Variants in SLC28A3 observed in about 807,000 individuals in gnomAD.
SLC28A3 encodes the protein solute carrier family 28 member 3.
SLC28A3 carries 68 observed loss-of-function variants against 84.2 expected under a neutral mutation model. The observed-to-expected ratio is 0.81, with a 90% CI of 0.66 to 0.99. SLC28A3 has a LOEUF of 0.99. Ranked by LOEUF, SLC28A3 falls within the 50% of genes least tolerant of loss-of-function variation. The pLI, the probability that SLC28A3 is intolerant of heterozygous loss-of-function variation, is 0.00. For missense variants in SLC28A3, 712 were observed against 841.5 expected, an observed-to-expected ratio of 0.85 and a Z score of 1.90; for synonymous variants, 267 against 303.6, an observed-to-expected ratio of 0.88 and a Z score of 1.25.
the SLC28A3 span, among the ~76,000 whole-genome samples, chr9:84,362,749 G>A: frequency 1.2e-4 from 19 of 152,012 alleles, no homozygotes; most frequent in Non-Finnish European, 1.5e-5. Context: ...GACCGCTTTG[G>A]CAGTCTGGTG....
In SLC28A3 at chr9:84,278,142, G is replaced by C. The variant is rs1824590770; in HGVS notation, c.*76C>G. ...TGGAAGCATCAATCTGTGGACAATA[G>C]CTTCTTTTTTTTTTCTTTCCAAAGC... On this transcript the variant is annotated 3_prime_UTR_variant, in exon 18 of 18. Transcript: ENST00000376238. 2.0e-6 allele frequency: 3 copies of C among 1,525,842 alleles called. No individual in the cohort carries two copies. The highest frequency in any genetic ancestry group is 2.3e-5 in the East Asian group (1 of 44,138). The allele number at this position is 1,525,842 out of a possible 1,614,324, so 94.5% of individuals were successfully genotyped here. A position where few individuals can be genotyped will look rare whatever the true frequency, so the allele number is the denominator to read the frequency against.
At chr9:84,335,379 AAT>A (rs1465863725) in intron 1 of SLC28A3, among the ~76,000 whole-genome samples, 1 of 152,106 alleles carries the variant, frequency 6.6e-6, no homozygotes, top group African/African-American at 2.4e-5. Flanking sequence ...TGTCTCTACA[AAT>A]ATAAAAAATA....
chr9:84,367,748 GGTACT>G, the SLC28A3 span, among the ~76,000 whole-genome samples: 1 of 152,194 alleles, frequency 6.6e-6, no homozygotes, highest in African/African-American at 2.4e-5. Flanking sequence ...TTCAAGGGAA[GGTACT>G]GTGCCCGGAT....
At chr9:84,328,054 G>GT (rs1445474438) in intron 1 of SLC28A3, among the ~76,000 whole-genome samples, 1 of 151,516 alleles carries the variant, frequency 6.6e-6, no homozygotes, top group Admixed American at 6.6e-5. Context: ...TGAGGTGGTG[G>GT]TAACTGTTGG....
Position 84,333,372 on chromosome 9 carries a change from G to A in SLC28A3, c.60+7202C>T, listed in dbSNP as rs77083314. Among the ~76,000 whole-genome samples, 946 of 152,216 alleles carry A rather than the reference G, an allele frequency of 6.2e-3. 18 individuals carry two copies. Among genetic ancestry groups the A allele is most frequent in the African/African-American group, 0.022 (913 of 41,514 alleles). ...TAGCCATCTTATTTAGGAACCAAAA[G>A]GGGGAGATAGGTATGCGTGACCCAG... is the stretch of plus-strand genomic sequence containing the variant. On this transcript the variant is annotated intron_variant, in intron 1 of 17. Coordinates refer to ENST00000376238, the MANE Select transcript of SLC28A3 (RefSeq NM_001199633.2).
chr9:84,352,293 C>A, the SLC28A3 span, among the ~76,000 whole-genome samples: 1 of 152,014 alleles, frequency 6.6e-6, no homozygotes, highest in Non-Finnish European at 1.5e-5. Context: ...AAGTGATTCT[C>A]CTGCCTCAGC....
At chr9:84,293,701 T>C (rs1588574952) in intron 9 of SLC28A3, among the ~76,000 whole-genome samples, 1 of 152,226 alleles carries the variant, frequency 6.6e-6, no homozygotes, top group African/African-American at 2.4e-5. Context: ...TGTGTATGCA[T>C]GCACGCTCAT....
intron 7 of SLC28A3, 78 bp from the exon 8 acceptor site, chr9:84,297,376 C>G (rs1825457007): frequency 1.4e-5 from 16 of 1,176,916 alleles, no homozygotes; most frequent in Non-Finnish European, 1.7e-5. Context: ...ATGCTAGGCT[C>G]TCAGAGGACG....
the SLC28A3 span, among the ~76,000 whole-genome samples, chr9:84,367,177 G>T: frequency 6.6e-6 from 1 of 152,058 alleles, no homozygotes. Context: ...GCCACGGGGA[G>T]TACTCCACAG....
At chr9:84,313,480 A>T (rs770258410) in intron 1 of SLC28A3, 26 bp from the exon 2 acceptor site, 15 of 1,594,462 alleles carry the variant, frequency 9.4e-6, no homozygotes, top group Non-Finnish European at 1.3e-5. Context: ...AGATTGAAAA[A>T]ATAAAAAGTT....
At chr9:84,363,305 C>G in the SLC28A3 span, among the ~76,000 whole-genome samples, 1 of 152,200 alleles carries the variant, frequency 6.6e-6, no homozygotes, top group African/African-American at 2.4e-5. Context: ...GGAGAGGAAC[C>G]AAGAGGGGAG....
rs963962875 is a variant in SLC28A3, at chr9:84,294,337, T to A, written c.862-62A>T. The A allele has an allele frequency of 2.6e-5, 38 of 1,479,260 alleles. No individual in the cohort carries two copies. In the African/African-American group the frequency reaches 5.3e-4, roughly 20 times the overall value. 91.6% of individuals were successfully genotyped at this position (1,479,260 alleles called of 1,614,324 possible). A position where few individuals can be genotyped will look rare whatever the true frequency, so the allele number is the denominator to read the frequency against. On this transcript the variant is annotated intron_variant, in intron 8 of 17. Transcript: ENST00000376238. Reference sequence around the variant, plus strand: ...TCCAGCTGCACCAGCAGGTTTTATATCAGGCCTCCTCTCTGTCTCCTTTTC... The same window carrying A: ...TCCAGCTGCACCAGCAGGTTTTATAACAGGCCTCCTCTCTGTCTCCTTTTC...
intron 14 of SLC28A3, among the ~76,000 whole-genome samples, chr9:84,282,014 T>A (rs552895084): frequency 1.2e-4 from 19 of 152,224 alleles, no homozygotes; most frequent in Admixed American, 1.2e-3. Flanking sequence ...TGATGGTGTG[T>A]GCCTGTAATC....
At chr9:84,296,155 C>A (rs1381072753) in intron 8 of SLC28A3, among the ~76,000 whole-genome samples, 1 of 152,196 alleles carries the variant, frequency 6.6e-6, no homozygotes, top group Non-Finnish European at 1.5e-5. Flanking sequence ...GAATTCGTTT[C>A]ATGATATGAG....
the SLC28A3 span, among the ~76,000 whole-genome samples, chr9:84,368,057 C>T: frequency 6.6e-6 from 1 of 152,232 alleles, no homozygotes; most frequent in South Asian, 2.1e-4. Context: ...TCTTTCTCTT[C>T]CCATGAGGCC....
chr9:84,285,299 G>GGTAT (rs1489696994), intron 14 of SLC28A3, 46 bp downstream of exon 14: 1 of 1,566,152 alleles, frequency 6.4e-7, no homozygotes, highest in Non-Finnish European at 8.7e-7. Flanking sequence ...GACGAATGCA[G>GGTAT]GTATGTGATG....
rs759223859 is a variant in SLC28A3, at chr9:84,279,303, TG to T, written c.1910del (p.Thr637LysfsTer4). ...NAFNSTFPGN[T>X]TKVIACCQSL... The stretch of plus-strand genomic sequence containing the variant: ...TTTGGCAACAAGCTATCACCTTGGT[TG>T]TGTTTCCAGGGAAAGTGGAGTTGAA... On this transcript the variant is annotated frameshift_variant, in exon 17 of 18. Transcript: ENST00000376238. LOFTEE classifies it low-confidence loss of function (END_TRUNC). 2.5e-6 allele frequency: 4 copies of T among 1,613,398 alleles called. No individual in the cohort carries two copies. The South Asian group carries it at 4.4e-5, about 18-fold the overall frequency.
At position 84,294,279 on chromosome 9, in the gene SLC28A3, T is replaced by A; in HGVS notation, c.862-4A>T. 6.2e-7 allele frequency: 1 copy of A among 1,614,040 alleles called. No homozygotes were observed. The highest frequency in any genetic ancestry group is 1.1e-5 in the South Asian group (1 of 91,064). ...AGAAAACCACGATCGGCAGGACCTG[T>A]GGGGACAGAAACAAACATGGATTAA... On this transcript the variant is annotated splice_polypyrimidine_tract_variant and splice_region_variant and intron_variant, in intron 8 of 17. Coordinates refer to ENST00000376238, the MANE Select transcript of SLC28A3 (RefSeq NM_001199633.2).
upstream of SLC28A3, among the ~76,000 whole-genome samples, chr9:84,343,013 A>T (rs1450216257): frequency 6.6e-6 from 1 of 152,048 alleles, no homozygotes; most frequent in African/African-American, 2.4e-5. Flanking sequence ...TACTACAAAA[A>T]TTAGCCAGGC....
Sources: allele counts gnomAD v4.1 joint callset (sites outside exome capture counted in the v4.1 genomes callset), GRCh38; gene constraint gnomAD v4.1.1; transcripts MANE v1.5; gene names NCBI Gene and HGNC (gene_info 2026-07-23, HGNC 2026-07-21).